The following CNTNAP5 variants were observed in gnomAD, a reference collection of about 807,000 sequenced individuals.
CNTNAP5 encodes the protein contactin-associated protein-like 5.
A neutral mutation model predicts 150.2 loss-of-function variants in CNTNAP5; 72 were observed. That is an observed-to-expected ratio of 0.48 (90% CI 0.40 to 0.58). CNTNAP5 has a LOEUF of 0.58. CNTNAP5 is among the 20% of genes least tolerant of loss of function. CNTNAP5 has a pLI of 0.00. For missense variants in CNTNAP5, 1,636 were observed against 1,626.2 expected, an observed-to-expected ratio of 1.01 and a Z score of -0.10; for synonymous variants, 672 against 619.8, an observed-to-expected ratio of 1.08 and a Z score of -1.25.
intron 1 of CNTNAP5, among the ~76,000 whole-genome samples, chr2:124,093,593 C>G (rs181522573): frequency 1.4e-4 from 21 of 152,196 alleles, no homozygotes; most frequent in Admixed American, 2.6e-4. Flanking sequence ...AATGGGCACC[C>G]ATAGTCATAT....
intron 12 of CNTNAP5, among the ~76,000 whole-genome samples, chr2:124,626,434 G>A (rs1175597539): frequency 6.6e-6 from 1 of 152,110 alleles, no homozygotes; most frequent in African/African-American, 2.4e-5. Context: ...ATGAGAAGAA[G>A]CAGAGTGGGT....
At chr2:124,640,450 C>T (rs940829663) in intron 12 of CNTNAP5, among the ~76,000 whole-genome samples, 3 of 152,228 alleles carry the variant, frequency 2.0e-5, no homozygotes, top group African/African-American at 7.2e-5. Flanking sequence ...CATGGTAGCC[C>T]TACCAGCCAC....
At position 124,745,764 on chromosome 2, in the gene CNTNAP5, G is replaced by T. The variant is rs144816853; in HGVS notation, c.2078-1465G>T. Among the ~76,000 whole-genome samples the T allele has an allele frequency of 1.3e-3, 199 of 152,308 alleles. 1 individual carries two copies. The East Asian group carries it at 0.033, about 25-fold the overall frequency. On this transcript the variant is annotated intron_variant, in intron 13 of 23. Transcript: ENST00000682447. ...TGTGGACTGCCATGTTGGGATGACT[G>T]TAGTCCTCCAGGCCCTCTGCTTCAT... is the stretch of plus-strand genomic sequence containing the variant.
At chr2:124,537,647 ACTT>A (rs1163911471) in intron 10 of CNTNAP5, among the ~76,000 whole-genome samples, 2 of 152,126 alleles carry the variant, frequency 1.3e-5, no homozygotes, top group African/African-American at 4.8e-5. Context: ...TCATTTCTCT[ACTT>A]CTTTAATGAG....
At chr2:124,135,314 A>G (rs1573780137) in intron 1 of CNTNAP5, 1 of 152,246 alleles carries the variant, frequency 6.6e-6, no homozygotes, top group East Asian at 1.9e-4. Context: ...AGAAAGCAAC[A>G]TGACATTGCA....
At chr2:124,839,670 G>T (rs1330229237) in intron 19 of CNTNAP5, among the ~76,000 whole-genome samples, 2 of 151,994 alleles carry the variant, frequency 1.3e-5, no homozygotes, top group African/African-American at 4.8e-5. Flanking sequence ...AACATTTACT[G>T]ATTCCTGAAA....
chr2:124,367,771 C>G (rs1219232065), intron 3 of CNTNAP5, among the ~76,000 whole-genome samples: 1 of 152,200 alleles, frequency 6.6e-6, no homozygotes, highest in Admixed American at 6.5e-5. Context: ...ACAAAATTCA[C>G]AAAACCTTCT....
At chr2:124,237,037 G>A (rs1686767349) in intron 2 of CNTNAP5, among the ~76,000 whole-genome samples, 1 of 152,154 alleles carries the variant, frequency 6.6e-6, no homozygotes, top group African/African-American at 2.4e-5. Flanking sequence ...GCTGAGGCAG[G>A]AGAATCCCTT....
chr2:124,771,767 GCACTGCCACCATCACCAT>G (rs1681199515), intron 16 of CNTNAP5, among the ~76,000 whole-genome samples: 1 of 146,586 alleles, frequency 6.8e-6, no homozygotes, highest in African/African-American at 2.5e-5. Flanking sequence ...ACCACCACCA[GCACTGCCACCATCACCAT>G]CACTGTCACC....
intron 7 of CNTNAP5, among the ~76,000 whole-genome samples, chr2:124,498,409 G>A (rs765257981): frequency 7.2e-5 from 11 of 152,114 alleles, no homozygotes; most frequent in Non-Finnish European, 2.9e-5. Context: ...GAAGGGGAAA[G>A]CATAATCAGT....
rs193216868 is a variant in CNTNAP5 at position 124,528,957 on chromosome 2, G to A, written c.1649+1501G>A. Among the ~76,000 whole-genome samples the A allele has an allele frequency of 1.7e-3, 261 of 152,182 alleles. 1 individual carries two copies. Among genetic ancestry groups the A allele is most frequent in the Admixed American group, 0.012 (181 of 15,278 alleles). On this transcript the variant is annotated intron_variant, in intron 10 of 23. Coordinates refer to ENST00000682447, the MANE Select transcript of CNTNAP5 (RefSeq NM_001367498.1). Reference sequence around the variant, plus strand: ...GCATAGTCTCTGCTAACGCTAGAATGAGCTGCGTAACTTGGTGAAAATTTA... The same window carrying A: ...GCATAGTCTCTGCTAACGCTAGAATAAGCTGCGTAACTTGGTGAAAATTTA...
chr2:124,878,792 C>T (rs1257567381), intron 21 of CNTNAP5, among the ~76,000 whole-genome samples: 1 of 151,644 alleles, frequency 6.6e-6, no homozygotes, highest in Non-Finnish European at 1.5e-5. Context: ...AAGCTATTCT[C>T]CTGTCCCAGC....
intron 5 of CNTNAP5, among the ~76,000 whole-genome samples, chr2:124,436,578 C>A (rs1692536250): frequency 6.6e-6 from 1 of 152,082 alleles, no homozygotes. Flanking sequence ...AATAGAAGCT[C>A]CGTATTGCTC....
chr2:124,050,523 G>A (rs1298015567), intron 1 of CNTNAP5, among the ~76,000 whole-genome samples: 2 of 152,076 alleles, frequency 1.3e-5, no homozygotes, highest in Admixed American at 6.6e-5. Context: ...ATCTTAGAAA[G>A]AGAAAGGAAG....
At chr2:124,419,988 C>CTTTTTTTTTTTTTTTTTT (rs772589224) in intron 4 of CNTNAP5, among the ~76,000 whole-genome samples, 1 of 78,878 alleles carries the variant, frequency 1.3e-5, no homozygotes, top group Non-Finnish European at 2.5e-5. Context: ...TTCTTTCTTT[C>CTTTTTTTTTTTTTTTTTT]TTTTTTTTTT....
chr2:124,347,570 G>T (rs530657006), intron 3 of CNTNAP5, among the ~76,000 whole-genome samples: 2 of 152,238 alleles, frequency 1.3e-5, no homozygotes, highest in Admixed American at 1.3e-4. Context: ...TTAAATTTGT[G>T]TTGCTTTCCA....
intron 3 of CNTNAP5, among the ~76,000 whole-genome samples, chr2:124,279,721 G>A (rs747602111): frequency 3.3e-5 from 5 of 151,934 alleles, no homozygotes; most frequent in African/African-American, 7.2e-5. Flanking sequence ...CTTCTCACCC[G>A]GCTGTAAATA....
intron 21 of CNTNAP5, among the ~76,000 whole-genome samples, chr2:124,887,787 G>A (rs1408212312): frequency 6.6e-6 from 1 of 152,062 alleles, no homozygotes; most frequent in Non-Finnish European, 1.5e-5. Flanking sequence ...TGTACAGCCT[G>A]GTCTTGCAGA....
chr2:124,671,328 A>T (rs2105057679), intron 13 of CNTNAP5, among the ~76,000 whole-genome samples: 1 of 152,352 alleles, frequency 6.6e-6, no homozygotes, highest in African/African-American at 2.4e-5. Flanking sequence ...CAAAAAACAA[A>T]GGCATAAGAA....
Sources: gnomAD v4.1 joint callset for allele counts (sites outside exome capture counted in the v4.1 genomes callset) on GRCh38, gnomAD v4.1.1 for gene constraint, MANE v1.5 for transcripts, NCBI Gene and HGNC (gene_info 2026-07-23, HGNC 2026-07-21) for gene names.